The following GDPD5 variants were observed in gnomAD, a reference collection of about 807,000 sequenced individuals.
GDPD5 encodes glycerophosphodiester phosphodiesterase 2.
In GDPD5, 48 loss-of-function variants were observed where a neutral mutation model predicts 75.1. The ratio of observed to expected loss-of-function variants is 0.64; its 90% CI spans 0.51 to 0.81. The LOEUF is 0.81. Among genes scored for constraint, GDPD5 ranks in the 40% least tolerant of loss-of-function variants. The pLI, the probability that GDPD5 is intolerant of heterozygous loss-of-function variation, is 0.00. For synonymous variants in GDPD5, 336 were observed against 339.0 expected (o/e 0.99, Z 0.10); for missense variants, 706 against 822.6 (o/e 0.86, Z 1.73).
chr11:75,508,083 G>A (rs1269759651), intron 1 of GDPD5: 1 of 152,024 alleles, frequency 6.6e-6, no homozygotes, highest in South Asian at 2.1e-4. Flanking sequence ...CAAGGGACTC[G>A]CCCACGTCAC....
Position 75,435,632 on chromosome 11 carries a change from A to C in GDPD5, c.1693T>G (p.Ser565Ala). The change falls in exon 17 of 17, where the codon TCC becomes GCC. Residue 565 changes from serine to alanine, a missense_variant. Ser to Ala is a moderately conservative substitution (Grantham distance 99). Transcript: ENST00000336898. Reference sequence around the variant, plus strand: ...TCTGAACATACGGAGAGCACATCGGAGACCTCTACACCATCGCTGATCTCT... The same window carrying C: ...TCTGAACATACGGAGAGCACATCGGCGACCTCTACACCATCGCTGATCTCT... ...FSEISDGVEV[S>A]DVLSVCSDNS... 6.2e-7 allele frequency: 1 copy of C among 1,612,924 alleles called. No individual in the cohort carries two copies. The highest frequency in any genetic ancestry group is 8.5e-7 in the Non-Finnish European group (1 of 1,179,376).
At chr11:75,502,123 C>G (rs1046479722) in intron 1 of GDPD5, among the ~76,000 whole-genome samples, 5 of 152,162 alleles carry the variant, frequency 3.3e-5, no homozygotes, top group African/African-American at 1.2e-4. Context: ...AAGTACAAAC[C>G]CTACACGCAA....
chr11:75,473,520 CAT>C (rs750264595), intron 3 of GDPD5, among the ~76,000 whole-genome samples: 20 of 152,130 alleles, frequency 1.3e-4, no homozygotes, highest in Non-Finnish European at 2.5e-4. Context: ...TCACTCCCCA[CAT>C]AGACACCTGA....
In GDPD5 at chr11:75,449,947, C is replaced by A. The variant is rs1452578214; in HGVS notation, c.412G>T (p.Ala138Ser). 1.2e-6 allele frequency: 2 copies of A among 1,613,802 alleles called. No individual in the cohort carries two copies. Among genetic ancestry groups the A allele is most frequent in the South Asian group, 2.2e-5 (2 of 91,080 alleles). The change falls in exon 7 of 17, where the codon GCC becomes TCC. Residue 138 changes from alanine to serine, a missense_variant. Transcript: ENST00000336898. ...CACAGCTGGGCCACGGCCGACATGGCCACCACCGTGGAAGCCAGGATGACC... is the reference window on the plus strand; with the variant it reads ...CACAGCTGGGCCACGGCCGACATGGACACCACCGTGGAAGCCAGGATGACC... ...LVVILASTVV[A>S]MSAVAQLWED...
In GDPD5 at chr11:75,443,253, G is replaced by A. The variant is rs1948881222; in HGVS notation, c.831C>T (p.Thr277=). The A allele has an allele frequency of 6.2e-7, 1 of 1,610,350 alleles. No homozygotes were observed. The highest frequency in any genetic ancestry group is 1.7e-5 in the Admixed American group (1 of 59,506). ...LDGVPFLMHD[T]TLRRTTNVEE... ...CCACGTTGGTGGTGCGCCGCAGGGTGGTGTCATGCATGAGGAAGGGCACGC... is the reference window on the plus strand; with the variant it reads ...CCACGTTGGTGGTGCGCCGCAGGGTAGTGTCATGCATGAGGAAGGGCACGC... Residue 277 remains threonine, a synonymous_variant, in exon 11 of 17, where the codon ACC becomes ACT. Transcript: ENST00000336898.
Position 75,455,095 on chromosome 11 carries a change from G to A in GDPD5, c.375+1662C>T, listed in dbSNP as rs1016194190. On this transcript the variant is annotated intron_variant, in intron 6 of 16. Coordinates refer to ENST00000336898, the MANE Select transcript of GDPD5 (RefSeq NM_030792.8). The stretch of plus-strand genomic sequence containing the variant: ...GGCAGAGGAAGGCACCCTGGGAGCT[G>A]GCACCAGCATGGACAATGGGATCTG... 1.9e-4 allele frequency: 60 copies of A among 311,190 alleles called. 1 individual carries two copies. Among genetic ancestry groups the A allele is most frequent in the African/African-American group, 1.5e-4 (7 of 46,154 alleles). The allele number at this position is 311,190 out of a possible 1,614,324, so 19.3% of individuals were successfully genotyped here.
At chr11:75,453,693 T>C (rs749833182) in intron 6 of GDPD5, among the ~76,000 whole-genome samples, 20 of 149,272 alleles carry the variant, frequency 1.3e-4, no homozygotes, top group South Asian at 8.4e-4. Flanking sequence ...TAAGACCAGA[T>C]AGATAAATGA....
intron 14 of GDPD5, among the ~76,000 whole-genome samples, chr11:75,440,425 G>T (rs185284216): frequency 3.1e-4 from 47 of 152,286 alleles, no homozygotes; most frequent in Admixed American, 2.7e-3. Context: ...CATTCTCTCA[G>T]CCATAAGGAT....
intron 3 of GDPD5, among the ~76,000 whole-genome samples, chr11:75,473,963 G>T (rs562174999): frequency 1.3e-3 from 202 of 152,314 alleles, no homozygotes; most frequent in Non-Finnish European, 1.6e-3. Flanking sequence ...CAAGGGAGGG[G>T]AAAACCAGGT....
chr11:75,467,672 C>A (rs545161014), intron 3 of GDPD5, among the ~76,000 whole-genome samples: 1 of 152,088 alleles, frequency 6.6e-6, no homozygotes, highest in East Asian at 1.9e-4. Context: ...AGGAGTGGCC[C>A]CTGGCTGTGG....
intron 5 of GDPD5, among the ~76,000 whole-genome samples, chr11:75,457,277 C>T (rs937518768): frequency 3.3e-5 from 5 of 152,196 alleles, no homozygotes; most frequent in East Asian, 1.9e-4. Flanking sequence ...TGGGCCCTCT[C>T]GGCCAGGACA....
intron 1 of GDPD5, among the ~76,000 whole-genome samples, chr11:75,515,556 A>G (rs1196599033): frequency 6.6e-6 from 1 of 152,212 alleles, no homozygotes; most frequent in Non-Finnish European, 1.5e-5. Flanking sequence ...TCAGAGTGGC[A>G]TGGCTCTTAA....
In GDPD5 at chr11:75,441,310, C is replaced by A; in HGVS notation, c.1326G>T (p.Arg442Ser). ...RYTQVSRQEL[R>S]DYASWNLSVN... ...CACTCAGGTTCCAGGACGCGTAGTC[C>A]CTGTGGGGCAGGGGAGAGGCAGGTC... The change falls in exon 14 of 17, where the codon AGG (arginine) becomes AGT (serine). Residue 442 changes from arginine (R) to serine (S), a missense_variant and splice_region_variant. Physicochemically the swap from Arg to Ser is moderately radical, Grantham distance 110 (BLOSUM62 -1). Transcript: ENST00000336898. The A allele has an allele frequency of 1.9e-6, 3 of 1,614,102 alleles. No individual in the cohort carries two copies. The highest frequency in any genetic ancestry group is 2.5e-6 in the Non-Finnish European group (3 of 1,180,014).
At chr11:75,477,205 G>A (rs898326826) in intron 3 of GDPD5, among the ~76,000 whole-genome samples, 4 of 152,158 alleles carry the variant, frequency 2.6e-5, no homozygotes, top group South Asian at 2.1e-4. Context: ...CTGAGCCCCG[G>A]TGCCAGACCG....
At chr11:75,446,367 C>T (rs1327670741) in intron 9 of GDPD5, among the ~76,000 whole-genome samples, 1 of 152,180 alleles carries the variant, frequency 6.6e-6, no homozygotes, top group South Asian at 2.1e-4. Flanking sequence ...GAAGCATACA[C>T]GTTGCTGGGG....
At position 75,521,596 on chromosome 11, in the gene GDPD5, T is replaced by C. The variant is rs142600606; in HGVS notation, c.-145+3614A>G. On this transcript the variant is annotated intron_variant, in intron 1 of 16. Transcript: ENST00000336898. ...TATCATCACTGTAGTATTGTGTGGA[T>C]ACATTTTACAAACTGCAAAATGTTA... Among the ~76,000 whole-genome samples the C allele has an allele frequency of 5.3e-5, 8 of 152,376 alleles. No homozygotes were observed. The East Asian group carries it at 1.5e-3, about 29-fold the overall frequency.
intron 1 of GDPD5, among the ~76,000 whole-genome samples, chr11:75,497,445 C>T (rs1203008232): frequency 1.3e-5 from 2 of 152,140 alleles, no homozygotes; most frequent in African/African-American, 4.8e-5. Context: ...TCCTGACATT[C>T]ACCTCCCCAA....
At chr11:75,442,620 G>A (rs367673696) in intron 11 of GDPD5, 39 bp from the exon 12 acceptor site, 15 of 1,595,038 alleles carry the variant, frequency 9.4e-6, no homozygotes, top group African/African-American at 4.0e-5. Context: ...TGCATCATCA[G>A]CCCTTTGGGG....
intron 1 of GDPD5, among the ~76,000 whole-genome samples, chr11:75,494,118 G>C (rs1205754409): frequency 6.6e-6 from 1 of 151,634 alleles, no homozygotes; most frequent in African/African-American, 2.4e-5. Flanking sequence ...GATGGGTATA[G>C]CTTTAATTTT....
Sources: gnomAD v4.1 joint callset for allele counts (sites outside exome capture counted in the v4.1 genomes callset) on GRCh38, gnomAD v4.1.1 for gene constraint, MANE v1.5 for transcripts, NCBI Gene and HGNC (gene_info 2026-07-23, HGNC 2026-07-21) for gene names.